MUC5B: variants seen among roughly 807,000 people sequenced by gnomAD.
MUC5B encodes the protein mucin-5B.
MUC5B carries 116 observed loss-of-function variants against 376.9 expected under a neutral mutation model. That is an observed-to-expected ratio of 0.31 (90% CI 0.26 to 0.36). MUC5B has a LOEUF of 0.36. Ranked by LOEUF, MUC5B falls within the 10% of genes least tolerant of loss-of-function variation. The pLI is 1.00. For missense variants in MUC5B, 7,165 were observed against 7,769.9 expected, an observed-to-expected ratio of 0.92 and a Z score of 2.93; for synonymous variants, 3,517 against 3,390.9, an observed-to-expected ratio of 1.04 and a Z score of -1.29.
chr11:1,232,604 G>C (rs755696343), intron 16 of MUC5B, 40 bp from the exon 17 acceptor site: 1 of 1,601,884 alleles, frequency 6.2e-7, no homozygotes, highest in African/African-American at 1.3e-5. Context: ...GCCCTGGCAG[G>C]CTGGGGTCCC....
chr11:1,249,828 C>A lies in MUC5B; in HGVS notation c.12948C>A (p.Thr4316=), dbSNP rs567224456. 1.9e-5 allele frequency: 30 copies of A among 1,613,616 alleles called. No individual in the cohort carries two copies. The African/African-American group carries it at 3.1e-4, about 17-fold the overall frequency. Residue 4316 remains threonine (T), a synonymous_variant, in exon 31 of 49, where the codon ACC becomes ACA. Coordinates refer to ENST00000529681, the MANE Select transcript of MUC5B (RefSeq NM_002458.3). ...TTCCAGTGCTGACAAGCACAGCCACCAAATCCACAGCTACCAGCGTTACAC... is the reference window on the plus strand; with the variant it reads ...TTCCAGTGCTGACAAGCACAGCCACAAAATCCACAGCTACCAGCGTTACAC... ...TTLPVLTSTA[T]KSTATSVTPI...
rs1862908611 is a variant in MUC5B at position 1,258,563 on chromosome 11, C to A, written c.16593+196C>A. ...CTTACGTCGACAGCCATGAGCTCCA[C>A]AACTGCTGCCTCTGAGAGGTCCCTT... On this transcript the variant is annotated intron_variant, in intron 43 of 48. Transcript: ENST00000529681. The surrounding 1 kb of genome is among the most constrained non-coding windows in gnomAD (Gnocchi z 5.5). 6.6e-6 allele frequency among the ~76,000 whole-genome samples: 1 copy of A among 152,170 alleles called. No individual in the cohort carries two copies. The highest frequency in any genetic ancestry group is 1.5e-5 in the Non-Finnish European group (1 of 68,010).
intron 1 of MUC5B, among the ~76,000 whole-genome samples, chr11:1,224,068 C>T (rs56321310): frequency 0.14 from 20,722 of 152,272 alleles, 1,667 homozygotes; most frequent in Non-Finnish European, 0.18. Context: ...GGGGGAGCTG[C>T]GTCTGGCTGC....
rs758571364 is a variant in MUC5B, at chr11:1,229,681, G to T, written c.1103-9G>T. The T allele has an allele frequency of 9.0e-6, 14 of 1,556,768 alleles. No homozygotes were observed. Among genetic ancestry groups the T allele is most frequent in the Non-Finnish European group, 1.1e-5 (13 of 1,156,610 alleles). On this transcript the variant is annotated splice_polypyrimidine_tract_variant and intron_variant, in intron 9 of 48. Coordinates refer to ENST00000529681, the MANE Select transcript of MUC5B (RefSeq NM_002458.3). ...ATGGGCCGGCCCTGCCTCACGCCGCGCCCCACAGGCACGGTGCTGGATGAC... is the reference window on the plus strand; with the variant it reads ...ATGGGCCGGCCCTGCCTCACGCCGCTCCCCACAGGCACGGTGCTGGATGAC...
At chr11:1,224,116 C>T (rs1861824274) in intron 1 of MUC5B, among the ~76,000 whole-genome samples, 1 of 152,184 alleles carries the variant, frequency 6.6e-6, no homozygotes, top group South Asian at 2.1e-4. Flanking sequence ...TAGCCACCTC[C>T]TTGCATCTGA....
intron 31 of MUC5B, 96 bp downstream of exon 31, chr11:1,251,839 G>T: frequency 1.1e-6 from 1 of 910,154 alleles, no homozygotes; most frequent in Admixed American, 2.5e-5. Context: ...TCTCCCTGCT[G>T]GTCATGTTTG....
In MUC5B at chr11:1,249,152, C is replaced by T. The variant is rs199736618; in HGVS notation, c.12272C>T (p.Thr4091Met). The change falls in exon 31 of 49, where the codon ACG becomes ATG. Residue 4091 changes from threonine (T) to methionine (M), a missense_variant. Coordinates refer to ENST00000529681, the MANE Select transcript of MUC5B (RefSeq NM_002458.3). ...SPGTTTPGHT[T>M]ATSRTTATAT... is the part of the protein sequence containing the mutation. ...GGGACGACCACCCCGGGCCACACCA[C>T]GGCCACCTCCAGGACCACGGCCACG... The T allele has an allele frequency of 6.9e-4, 1,076 of 1,566,258 alleles. 5 individuals are homozygous for T. Among genetic ancestry groups the T allele is most frequent in the Non-Finnish European group, 8.1e-4 (937 of 1,153,774 alleles).
In MUC5B at chr11:1,240,263, C is replaced by T. The variant is rs746763112; in HGVS notation, c.3858C>T (p.Ile1286=). 12 of 1,613,564 alleles carry T rather than the reference C, an allele frequency of 7.4e-6. No individual in the cohort carries two copies. The highest frequency in any genetic ancestry group is 6.7e-5 in the Admixed American group (4 of 59,986). ...NTTDGLGACL[I]AICGSNGTII... is the part of the protein sequence containing the mutation. ...CCGATGGGCTTGGCGCCTGCTTGAT[C>T]GCCATCTGCGGAAGCAACGGCACCA... The change falls in exon 30 of 49, where the codon ATC becomes ATT. Residue 1286 remains isoleucine, a synonymous_variant. Transcript: ENST00000529681.
rs376958594 is a variant in MUC5B, at chr11:1,241,458, C to T, written c.4578C>T (p.Asp1526=). 42 of 1,613,358 alleles carry T rather than the reference C, an allele frequency of 2.6e-5. No homozygotes were observed. In the Admixed American group the frequency reaches 4.5e-4, roughly 17 times the overall value. Residue 1526 remains aspartate, a synonymous_variant, in exon 31 of 49, where the codon GAC becomes GAT. Coordinates refer to ENST00000529681, the MANE Select transcript of MUC5B (RefSeq NM_002458.3). The part of the protein sequence containing the change: ...DYPKSEQLGG[D]VESYDKIRAA... Reference sequence around the variant, plus strand: ...CCAAGTCTGAACAACTTGGAGGGGACGTTGAGTCCTACGATAAGATCAGGG... The same window carrying T: ...CCAAGTCTGAACAACTTGGAGGGGATGTTGAGTCCTACGATAAGATCAGGG...
At position 1,253,001 on chromosome 11, in the gene MUC5B, G is replaced by A. The variant is rs367839293; in HGVS notation, c.15217+21G>A. ...CGAGTGTGAGTGCGTCGGTGGCCGC[G>A]GGATTACCCCGGGGGCAGGTGGAGC... On this transcript the variant is annotated intron_variant, in intron 33 of 48. Coordinates refer to ENST00000529681, the MANE Select transcript of MUC5B (RefSeq NM_002458.3). This position sits in a 1 kb window ranked among gnomAD's most constrained non-coding sequence, Gnocchi z 4.3. 28 of 1,612,096 alleles carry A rather than the reference G, an allele frequency of 1.7e-5. No individual in the cohort carries two copies. The highest frequency in any genetic ancestry group is 1.6e-4 in the Middle Eastern group (1 of 6,078).
rs766521216 is a variant in MUC5B, at chr11:1,248,375, A to C, written c.11495A>C (p.His3832Pro). 19 of 1,612,042 alleles carry C rather than the reference A, an allele frequency of 1.2e-5. 1 individual carries two copies. The highest frequency in any genetic ancestry group is 1.6e-5 in the Non-Finnish European group (19 of 1,179,360). ...CCCTCCTCCACTCCAGAGACTGCCC[A>C]CACCTCCACAGTGCTTACCACCACG... is the stretch of plus-strand genomic sequence containing the variant. ...ATPSSTPETA[H>P]TSTVLTTTAT... The change falls in exon 31 of 49, where the codon CAC becomes CCC. Residue 3832 changes from histidine (H) to proline (P), a missense_variant. Transcript: ENST00000529681.
chr11:1,235,903 G>A (rs1862146354), intron 23 of MUC5B, among the ~76,000 whole-genome samples: 1 of 152,168 alleles, frequency 6.6e-6, no homozygotes, highest in Non-Finnish European at 1.5e-5. Context: ...TGAGGTTCTG[G>A]GAGTTCGCAT....
chr11:1,247,866 T>G lies in MUC5B; in HGVS notation c.10986T>G (p.Arg3662=). Residue 3662 remains arginine (R), a synonymous_variant, in exon 31 of 49, where the codon CGT becomes CGG. Transcript: ENST00000529681. ...AGATGTGCTTCAACTATGAAATCCG[T>G]GTGTTCTGCTGCAACTACGGCCACT... ...KFKMCFNYEI[R]VFCCNYGHCP... is the part of the protein sequence containing the mutation. The G allele has an allele frequency of 1.2e-6, 2 of 1,608,860 alleles. No homozygotes were observed. Among genetic ancestry groups the G allele is most frequent in the Non-Finnish European group, 1.7e-6 (2 of 1,177,824 alleles).
intron 34 of MUC5B, 59 bp downstream of exon 34, chr11:1,254,410 C>T (rs1862780030): frequency 7.0e-6 from 11 of 1,578,374 alleles, no homozygotes; most frequent in Non-Finnish European, 9.4e-6. Flanking sequence ...CCTGGGCAGG[C>T]CGACTGCAGG....
In MUC5B at chr11:1,242,603, C is replaced by T. The variant is rs780196838; in HGVS notation, c.5723C>T (p.Thr1908Ile). The change falls in exon 31 of 49, where the codon ACA becomes ATA. Residue 1908 changes from threonine (T) to isoleucine (I), a missense_variant. Physicochemically the swap from Thr to Ile is moderately conservative, Grantham distance 89. Coordinates refer to ENST00000529681, the MANE Select transcript of MUC5B (RefSeq NM_002458.3). ...ACTCCGGGGACGACCTGGATCCTCA[C>T]AAAGCCGACCACAACAGCCACTACG... The part of the protein sequence containing the change: ...SSTPGTTWIL[T>I]KPTTTATTTA... 1.2e-6 allele frequency: 2 copies of T among 1,613,668 alleles called. No individual in the cohort carries two copies. Among genetic ancestry groups the T allele is most frequent in the Non-Finnish European group, 1.7e-6 (2 of 1,179,794 alleles).
At position 1,250,504 on chromosome 11, in the gene MUC5B, A is replaced by G; in HGVS notation, c.13624A>G (p.Thr4542Ala). 1 of 1,611,430 alleles carries G rather than the reference A, an allele frequency of 6.2e-7. No homozygotes were observed. The highest frequency in any genetic ancestry group is 8.5e-7 in the Non-Finnish European group (1 of 1,179,264). The stretch of plus-strand genomic sequence containing the variant: ...CTGGACCCGCCTATCACAGACCACC[A>G]CACCCACGGCCACCATGTCCACAGC... ...TTWTRLSQTT[T>A]PTATMSTATP... The change falls in exon 31 of 49, where the codon ACA becomes GCA. Residue 4542 changes from threonine to alanine, a missense_variant. Physicochemically the swap from Thr to Ala is moderately conservative, Grantham distance 58. Around this residue, in one of 31 missense-constraint regions of MUC5B, gnomAD observed 4 missense variants for 19.3 expected, o/e 0.21. Coordinates refer to ENST00000529681, the MANE Select transcript of MUC5B (RefSeq NM_002458.3).
In MUC5B at chr11:1,234,705, A is replaced by C; in HGVS notation, c.2630+25A>C. 1 of 867,238 alleles carries C rather than the reference A, an allele frequency of 1.2e-6. No individual in the cohort carries two copies. Among genetic ancestry groups the C allele is most frequent in the Non-Finnish European group, 1.5e-6 (1 of 662,602 alleles). The allele number at this position is 867,238 out of a possible 1,614,324, so 53.7% of individuals were successfully genotyped here. ...GGTGGGTCGTGAGTCTCTCGGAGGC[A>C]GCAGGTGGGGAGGGCGGGGGCGGGG... On this transcript the variant is annotated intron_variant, in intron 21 of 48. Coordinates refer to ENST00000529681, the MANE Select transcript of MUC5B (RefSeq NM_002458.3). This position sits in a 1 kb window ranked among gnomAD's most constrained non-coding sequence, Gnocchi z 6.3.
intron 33 of MUC5B, 71 bp from the exon 34 acceptor site, chr11:1,254,021 G>A: frequency 1.3e-6 from 2 of 1,546,720 alleles, no homozygotes; most frequent in Non-Finnish European, 8.7e-7. Context: ...TGGTGACGCT[G>A]GCTGCCATGA....
Position 1,255,173 on chromosome 11 carries a change from C to T in MUC5B, c.15797C>T (p.Thr5266Ile), listed in dbSNP as rs756061980. The change falls in exon 36 of 49, where the codon ACA becomes ATA. Residue 5266 changes from threonine (T) to isoleucine (I), a missense_variant. Coordinates refer to ENST00000529681, the MANE Select transcript of MUC5B (RefSeq NM_002458.3). ...GATGGCTGCTGGGCCCCGACTGGCA[C>T]ACCCCCCACTGCCAGCCCCGCAGCC... is the stretch of plus-strand genomic sequence containing the variant. Reference protein sequence around the residue: ...RKDGCWAPTGTPPTASPAAPV... With the variant: ...RKDGCWAPTGIPPTASPAAPV... 16 of 1,556,582 alleles carry T rather than the reference C, an allele frequency of 1.0e-5. No homozygotes were observed. The African/African-American group carries it at 2.2e-4, about 21-fold the overall frequency.
Sources: allele counts gnomAD v4.1 joint callset (sites outside exome capture counted in the v4.1 genomes callset), GRCh38; gene constraint gnomAD v4.1.1; regional missense constraint gnomAD v4.1.1; non-coding constraint Gnocchi (gnomAD v3.1); transcripts MANE v1.5; gene names NCBI Gene and HGNC (gene_info 2026-07-23, HGNC 2026-07-21).